The following WWOX variants were observed in gnomAD, a reference collection of about 807,000 sequenced individuals.
The protein encoded by WWOX is WW domain-containing oxidoreductase.
Under a neutral mutation model 46.2 loss-of-function variants are expected in WWOX, and 69 were observed. The ratio of observed to expected loss-of-function variants is 1.49; its 90% CI spans 1.23 to 1.82. The LOEUF is 1.82. WWOX is among the 40% of genes most tolerant of loss of function. WWOX has a pLI of 0.00. For synonymous variants in WWOX, 359 were observed against 202.6 expected, an observed-to-expected ratio of 1.77 and a Z score of -6.56; for missense variants, 919 against 542.6, an observed-to-expected ratio of 1.69 and a Z score of -6.89.
At chr16:78,601,289 C>A (rs912068966) in intron 8 of WWOX, among the ~76,000 whole-genome samples, 1 of 152,250 alleles carries the variant, frequency 6.6e-6, no homozygotes, top group Non-Finnish European at 1.5e-5. Flanking sequence ...TTGTGAAAAG[C>A]AAGTTGCAAA....
At chr16:78,765,773 A>C (rs533405978) in intron 8 of WWOX, among the ~76,000 whole-genome samples, 2 of 152,290 alleles carry the variant, frequency 1.3e-5, no homozygotes, top group East Asian at 3.9e-4. Context: ...GAGAAAACAG[A>C]GGCAAAAATC....
intron 5 of WWOX, among the ~76,000 whole-genome samples, chr16:78,364,615 G>C (rs1163832438): frequency 6.6e-6 from 1 of 151,052 alleles, no homozygotes; most frequent in Non-Finnish European, 1.5e-5. Flanking sequence ...TAAACTGTTT[G>C]TCGTGACTGC....
chr16:78,586,115 G>A lies in WWOX; in HGVS notation c.1056+153363G>A, dbSNP rs2045200266. On this transcript the variant is annotated intron_variant, in intron 8 of 8. Transcript: ENST00000566780. ...CTTATACCTGTAATCCCAACACTTT[G>A]GGAGGCTGAGGTGGGAGGATTGTTT... Among the ~76,000 whole-genome samples, 5 of 152,176 alleles carry A rather than the reference G, an allele frequency of 3.3e-5. No individual in the cohort carries two copies. The South Asian group carries it at 1.0e-3, about 32-fold the overall frequency.
chr16:78,539,470 C>T (rs376873325), intron 8 of WWOX, among the ~76,000 whole-genome samples: 1 of 152,130 alleles, frequency 6.6e-6, no homozygotes, highest in Non-Finnish European at 1.5e-5. Context: ...TTCCAGTAAG[C>T]AATTCTGCAT....
chr16:78,438,976 T>A (rs2083390331), intron 8 of WWOX, among the ~76,000 whole-genome samples: 1 of 152,224 alleles, frequency 6.6e-6, no homozygotes, highest in South Asian at 2.1e-4. Flanking sequence ...ATTTAAAACG[T>A]AATGAAGGAG....
intron 8 of WWOX, among the ~76,000 whole-genome samples, chr16:78,466,764 C>G (rs1303526929): frequency 6.6e-6 from 1 of 152,174 alleles, no homozygotes. Context: ...AGGAGAATCA[C>G]TTGAACCCGA....
At chr16:78,200,914 A>G (rs888972687) in intron 5 of WWOX, among the ~76,000 whole-genome samples, 1 of 152,334 alleles carries the variant, frequency 6.6e-6, no homozygotes, top group East Asian at 1.9e-4. Flanking sequence ...GTATGGGTGC[A>G]CAGCAGACGG....
chr16:79,055,346 T>A (rs1274767627), intron 8 of WWOX, among the ~76,000 whole-genome samples: 1 of 152,228 alleles, frequency 6.6e-6, no homozygotes, highest in African/African-American at 2.4e-5. Context: ...TAGAGTTGAA[T>A]TCATCTTCCC....
chr16:78,836,508 C>T (rs1317465367), intron 8 of WWOX, among the ~76,000 whole-genome samples: 4 of 152,194 alleles, frequency 2.6e-5, no homozygotes, highest in African/African-American at 9.6e-5. Context: ...TTTTCAGACA[C>T]TTCTGCCCCT....
At chr16:78,683,665 G>A (rs1432174148) in intron 8 of WWOX, among the ~76,000 whole-genome samples, 1 of 152,152 alleles carries the variant, frequency 6.6e-6, no homozygotes, top group Non-Finnish European at 1.5e-5. Context: ...GCTTCCCAAA[G>A]TGCTGGGATT....
chr16:78,878,775 C>A (rs1231811829), intron 8 of WWOX, among the ~76,000 whole-genome samples: 44 of 151,858 alleles, frequency 2.9e-4, no homozygotes, highest in Non-Finnish European at 4.4e-5. Flanking sequence ...ATTTACCAGG[C>A]CAGGCTTATG....
chr16:78,924,182 G>A lies in WWOX; in HGVS notation c.1057-287426G>A, dbSNP rs377754217. ...AAGCAGAAAGAAGGCTGGGTAGACC[G>A]GGGAAGGTAGCTGGGAGGTCTCTGA... On this transcript the variant is annotated intron_variant, in intron 8 of 8. Coordinates refer to ENST00000566780, the MANE Select transcript of WWOX (RefSeq NM_016373.4). Among the ~76,000 whole-genome samples, 24 of 152,240 alleles carry A rather than the reference G, an allele frequency of 1.6e-4. 1 individual carries two copies. Among genetic ancestry groups the A allele is most frequent in the African/African-American group, 4.6e-4 (19 of 41,550 alleles).
chr16:78,715,505 A>T (rs538864942), intron 8 of WWOX, among the ~76,000 whole-genome samples: 2 of 141,840 alleles, frequency 1.4e-5, no homozygotes, highest in South Asian at 4.8e-4. Context: ...GTTTTTTAAG[A>T]TGAAGCCTCA....
intron 8 of WWOX, among the ~76,000 whole-genome samples, chr16:78,888,241 C>G (rs1597109256): frequency 6.6e-6 from 1 of 152,280 alleles, no homozygotes; most frequent in African/African-American, 2.4e-5. Context: ...GGGCTTTGTG[C>G]TTTGCTTCTC....
At chr16:78,426,722 G>T (rs1235543217) in intron 7 of WWOX, among the ~76,000 whole-genome samples, 3 of 152,120 alleles carry the variant, frequency 2.0e-5, no homozygotes, top group Non-Finnish European at 2.9e-5. Context: ...GCAGTGCAGT[G>T]GCATGATCTC....
intron 8 of WWOX, among the ~76,000 whole-genome samples, chr16:78,770,088 A>C (rs2050027576): frequency 6.6e-6 from 1 of 151,668 alleles, no homozygotes; most frequent in Admixed American, 6.6e-5. Context: ...ATGGTGGGTC[A>C]TGCATGTAAT....
intron 8 of WWOX, among the ~76,000 whole-genome samples, chr16:78,437,737 C>G (rs1267434520): frequency 3.9e-5 from 6 of 152,188 alleles, no homozygotes; most frequent in African/African-American, 1.4e-4. Flanking sequence ...CAATATACTT[C>G]AAATAGCTGC....
chr16:78,950,493 A>G (rs2046036744), intron 8 of WWOX, among the ~76,000 whole-genome samples: 1 of 150,978 alleles, frequency 6.6e-6, no homozygotes, highest in Non-Finnish European at 1.5e-5. Context: ...GAGGAAAGAC[A>G]AAGCAAACCC....
chr16:78,469,262 A>AT (rs1172712954), intron 8 of WWOX, among the ~76,000 whole-genome samples: 1 of 151,992 alleles, frequency 6.6e-6, no homozygotes, highest in Non-Finnish European at 1.5e-5. Flanking sequence ...CCTGTAAAAT[A>AT]TTTAAGAACT....
Sources: gnomAD v4.1 joint callset for allele counts (sites outside exome capture counted in the v4.1 genomes callset) on GRCh38, gnomAD v4.1.1 for gene constraint, MANE v1.5 for transcripts, NCBI Gene and HGNC (gene_info 2026-07-23, HGNC 2026-07-21) for gene names.